Variants in UTP20 observed in about 807,000 individuals in gnomAD.
UTP20 encodes the protein UTP20 small subunit processome component, also known as small subunit processome component 20 homolog.
UTP20 carries 164 observed loss-of-function variants against 329.5 expected under a neutral mutation model. The observed-to-expected ratio is 0.50, with a 90% CI of 0.44 to 0.57. The LOEUF (loss-of-function observed/expected upper bound fraction) is 0.57, where lower values mean the gene tolerates loss of function less well. UTP20 is among the 20% of genes least tolerant of loss of function. The pLI is 0.00. For missense variants in UTP20, 3,055 were observed against 3,284.2 expected (o/e 0.93, Z 1.71); for synonymous variants, 1,151 against 1,159.3 (o/e 0.99, Z 0.14).
chr12:101,315,735 T>C lies in UTP20; in HGVS notation c.2553-1743T>C, dbSNP rs548918644. Among the ~76,000 whole-genome samples the C allele has an allele frequency of 9.2e-5, 14 of 152,360 alleles. No individual in the cohort carries two copies. The East Asian group carries it at 1.4e-3, about 15-fold the overall frequency. ...TGAGGGTTATATAAAATAACACTTA[T>C]CAGTTTTTTGAACTGCAAGGGCTGT... On this transcript the variant is annotated intron_variant, in intron 21 of 61. Transcript: ENST00000261637.
intron 38 of UTP20, among the ~76,000 whole-genome samples, chr12:101,351,432 T>C (rs933966938): frequency 2.0e-5 from 3 of 152,122 alleles, no homozygotes; most frequent in Admixed American, 1.3e-4. Flanking sequence ...GTCCGTTTCA[T>C]GTATTTTGCC....
chr12:101,291,172 G>A (rs1872134292), intron 8 of UTP20: 2 of 266,388 alleles, frequency 7.5e-6, no homozygotes, highest in Admixed American at 5.1e-5. Context: ...TTGAAATCTC[G>A]ATTCCCCAGT....
At chr12:101,312,731 C>T (rs1022378165) in intron 21 of UTP20, among the ~76,000 whole-genome samples, 7 of 152,226 alleles carry the variant, frequency 4.6e-5, no homozygotes, top group Admixed American at 1.3e-4. Context: ...TGAGCCACCA[C>T]GCCCAGCCTA....
chr12:101,363,779 T>C (rs1055588427), intron 45 of UTP20, 36 bp downstream of exon 45: 2 of 1,387,350 alleles, frequency 1.4e-6, no homozygotes, highest in East Asian at 2.3e-5. Context: ...GATCACAGCA[T>C]TACAATCTCA....
intron 44 of UTP20, 114 bp downstream of exon 44, chr12:101,362,174 A>G: frequency 1.4e-6 from 1 of 720,126 alleles, no homozygotes; most frequent in Non-Finnish European, 2.3e-6. Context: ...ATAATGTAAC[A>G]CCTCATCTTT....
Position 101,280,173 on chromosome 12 carries a change from G to A in UTP20, c.-110G>A, listed in dbSNP as rs1036474955. 2.2e-6 allele frequency: 3 copies of A among 1,378,062 alleles called. No individual in the cohort carries two copies. The highest frequency in any genetic ancestry group is 4.5e-5 in the Admixed American group (2 of 44,314). The allele number at this position is 1,378,062 out of a possible 1,614,324, so 85.4% of individuals were successfully genotyped here. ...TCAAGCCGCACGTGAGAAAGTCTGG[G>A]CATCTGGGAATCGGAGAGTATAGCC... On this transcript the variant is annotated 5_prime_UTR_variant, in exon 1 of 62. Transcript: ENST00000261637.
At position 101,317,384 on chromosome 12, in the gene UTP20, T is replaced by C. The variant is rs1022037226; in HGVS notation, c.2553-94T>C. 8 of 1,356,762 alleles carry C rather than the reference T, an allele frequency of 5.9e-6. No homozygotes were observed. In the Admixed American group the frequency reaches 8.4e-5, roughly 14 times the overall value. 84.0% of individuals were successfully genotyped at this position (1,356,762 alleles called of 1,614,324 possible). A position where few individuals can be genotyped will look rare whatever the true frequency, so the allele number is the denominator to read the frequency against. On this transcript the variant is annotated intron_variant, in intron 21 of 61. Coordinates refer to ENST00000261637, the MANE Select transcript of UTP20 (RefSeq NM_014503.3). ...ACTATGTCTCTTCAGTGTGTGATTCTGTGAACTGTGGACATCTCTCATGAA... is the reference window on the plus strand; with the variant it reads ...ACTATGTCTCTTCAGTGTGTGATTCCGTGAACTGTGGACATCTCTCATGAA...
intron 5 of UTP20, 123 bp downstream of exon 5, chr12:101,286,632 TC>T: frequency 2.5e-6 from 2 of 787,546 alleles, no homozygotes; most frequent in Non-Finnish European, 3.6e-6. Context: ...AAGTTGATTC[TC>T]CAGCCAAAGT....
chr12:101,331,890 T>G (rs1398989857), intron 27 of UTP20, among the ~76,000 whole-genome samples: 5 of 151,172 alleles, frequency 3.3e-5, no homozygotes, highest in African/African-American at 9.7e-5. Flanking sequence ...CCATTTGTTT[T>G]TTTTTTTTTT....
chr12:101,289,435 G>A (rs547295935), intron 6 of UTP20, among the ~76,000 whole-genome samples: 2 of 151,796 alleles, frequency 1.3e-5, no homozygotes, highest in South Asian at 4.2e-4. Flanking sequence ...ATAATCTGAT[G>A]AATAGAAGTA....
At chr12:101,316,871 T>C (rs1483510663) in intron 21 of UTP20, among the ~76,000 whole-genome samples, 3 of 152,238 alleles carry the variant, frequency 2.0e-5, no homozygotes, top group Non-Finnish European at 4.4e-5. Context: ...ACAAAGTGAA[T>C]ACTGTATTAA....
chr12:101,345,764 T>C lies in UTP20; in HGVS notation c.4746+70T>C, dbSNP rs1051355592. On this transcript the variant is annotated intron_variant, in intron 37 of 61. Coordinates refer to ENST00000261637, the MANE Select transcript of UTP20 (RefSeq NM_014503.3). ...ATATTTCAAACAGTTCTACCTCATT[T>C]GGAAAGACATGTTTTAACTTTCCAA... 2.2e-5 allele frequency: 30 copies of C among 1,379,962 alleles called. No individual in the cohort carries two copies. In the Admixed American group the frequency reaches 6.9e-4, roughly 32 times the overall value. The allele number at this position is 1,379,962 out of a possible 1,614,324, so 85.5% of individuals were successfully genotyped here. A position where few individuals can be genotyped will look rare whatever the true frequency, so the allele number is the denominator to read the frequency against.
intron 8 of UTP20, chr12:101,291,153 G>A (rs1025850531): frequency 3.3e-6 from 1 of 302,624 alleles, no homozygotes; most frequent in Non-Finnish European, 6.0e-6. Context: ...TGTAACCTGG[G>A]AAAATTATTT....
At chr12:101,354,047 G>A (rs1869629214) in intron 40 of UTP20, among the ~76,000 whole-genome samples, 1 of 151,988 alleles carries the variant, frequency 6.6e-6, no homozygotes, top group East Asian at 1.9e-4. Context: ...GATCACTTGA[G>A]GCCAGGAGTT....
At position 101,375,831 on chromosome 12, in the gene UTP20, C is replaced by T. The variant is rs150292974; in HGVS notation, c.7396+75C>T. The T allele has an allele frequency of 2.2e-5, 20 of 910,456 alleles. No individual in the cohort carries two copies. The African/African-American group carries it at 2.7e-4, about 12-fold the overall frequency. The allele number at this position is 910,456 out of a possible 1,614,324, so 56.4% of individuals were successfully genotyped here. On this transcript the variant is annotated intron_variant, in intron 56 of 61. Transcript: ENST00000261637. ...TTACTGAAAGTAGATTTGAGAAATT[C>T]GAATATGAATACTTCAGAAAGTATA...
At chr12:101,304,664 A>G (rs899829573) in intron 15 of UTP20, among the ~76,000 whole-genome samples, 1 of 152,160 alleles carries the variant, frequency 6.6e-6, no homozygotes, top group African/African-American at 2.4e-5. Flanking sequence ...TGTTACTGGC[A>G]TCTAGTGGGT....
intron 27 of UTP20, among the ~76,000 whole-genome samples, chr12:101,329,895 T>C (rs1868702155): frequency 6.6e-6 from 1 of 150,592 alleles, no homozygotes; most frequent in African/African-American, 2.5e-5. Context: ...CTCAGGAGGC[T>C]AAAGTGAGAG....
rs1868823985 is a variant in UTP20, at chr12:101,333,367, AT to A, written c.3485del (p.Ile1162ThrfsTer42). The A allele has an allele frequency of 6.2e-7, 1 of 1,613,986 alleles. No homozygotes were observed. The highest frequency in any genetic ancestry group is 1.3e-5 in the African/African-American group (1 of 74,946). ...TCTTGGAATCAAAATGGTAACTGAT[AT>A]CTTTTTGGACTGGGAATCATATCAG... ...RRLGIKMVTD[I>X]FLDWESYQFR... On this transcript the variant is annotated frameshift_variant, in exon 28 of 62. Transcript: ENST00000261637. LOFTEE classifies it high-confidence loss of function.
intron 38 of UTP20, 125 bp downstream of exon 38, chr12:101,346,713 TC>T: frequency 1.0e-6 from 1 of 973,476 alleles, no homozygotes. Flanking sequence ...TTAGAATAGT[TC>T]TAAAGTTCTT....
Sources: allele counts gnomAD v4.1 joint callset (sites outside exome capture counted in the v4.1 genomes callset), GRCh38; gene constraint gnomAD v4.1.1; transcripts MANE v1.5; gene names NCBI Gene and HGNC (gene_info 2026-07-23, HGNC 2026-07-21).